Variants in MARCHF3 observed in about 807,000 individuals in gnomAD.
MARCHF3 encodes the protein membrane associated ring-CH-type finger 3.
In MARCHF3, 13 loss-of-function variants were observed where a neutral mutation model predicts 24.2. That is an observed-to-expected ratio of 0.54 (90% confidence interval 0.35 to 0.85). The LOEUF (loss-of-function observed/expected upper bound fraction) is 0.85, where lower values mean the gene tolerates loss of function less well. Ranked by LOEUF, MARCHF3 falls within the 40% of genes least tolerant of loss-of-function variation. The probability of loss-of-function intolerance (pLI) is 0.01; values close to 1 mark genes in which losing one functional copy is unlikely to be tolerated. For synonymous variants in MARCHF3, 144 were observed against 137.3 expected, an observed-to-expected ratio of 1.05 and a Z score of -0.34; for missense variants, 276 against 325.0, an observed-to-expected ratio of 0.85 and a Z score of 1.16.
intron 3 of MARCHF3, among the ~76,000 whole-genome samples, chr5:126,882,750 T>C (rs545907800): frequency 8.5e-5 from 13 of 152,338 alleles, no homozygotes; most frequent in African/African-American, 2.4e-4. Context: ...TGAATGAGAA[T>C]AGCTTATGTC....
At chr5:126,997,114 G>T (rs1408244818) in intron 1 of MARCHF3, among the ~76,000 whole-genome samples, 1 of 152,172 alleles carries the variant, frequency 6.6e-6, no homozygotes, top group Non-Finnish European at 1.5e-5. Flanking sequence ...AATTTAGTAT[G>T]AGGACAAGCA....
intron 1 of MARCHF3, among the ~76,000 whole-genome samples, chr5:126,971,154 A>G (rs1258908643): frequency 1.3e-5 from 2 of 152,140 alleles, no homozygotes; most frequent in African/African-American, 4.8e-5. Flanking sequence ...GCTTGCTTTA[A>G]GAAGAAAAAA....
At chr5:126,962,211 C>A (rs1053361650) in intron 1 of MARCHF3, among the ~76,000 whole-genome samples, 4 of 151,846 alleles carry the variant, frequency 2.6e-5, no homozygotes, top group Admixed American at 6.6e-5. Flanking sequence ...ACACACACAC[C>A]CTATATATCT....
intron 2 of MARCHF3, among the ~76,000 whole-genome samples, chr5:126,915,715 A>C (rs60636815): frequency 6.6e-6 from 1 of 152,172 alleles, no homozygotes; most frequent in Non-Finnish European, 1.5e-5. Flanking sequence ...ATGGGATGCC[A>C]AAGATACCAA....
At chr5:127,003,208 G>A (rs1177110624) in intron 1 of MARCHF3, among the ~76,000 whole-genome samples, 13 of 152,160 alleles carry the variant, frequency 8.5e-5, no homozygotes, top group Non-Finnish European at 1.9e-4. Context: ...GGCCGGGCGC[G>A]GTGGCTCACG....
Position 126,890,377 on chromosome 5 carries a change from A to G in MARCHF3, c.394-11983T>C, listed in dbSNP as rs556088163. On this transcript the variant is annotated intron_variant, in intron 3 of 4. Transcript: ENST00000308660. ...ATGTATACATGTGCCATGCTGGTGC[A>G]CTGCACCCACTAACTCGTCATCTAG... 3.3e-5 allele frequency among the ~76,000 whole-genome samples: 5 copies of G among 149,978 alleles called. No individual in the cohort carries two copies. In the East Asian group the frequency reaches 6.0e-4, roughly 18 times the overall value.
intron 1 of MARCHF3, among the ~76,000 whole-genome samples, chr5:127,011,899 TG>T (rs2126857724): frequency 6.6e-6 from 1 of 152,350 alleles, no homozygotes; most frequent in South Asian, 2.1e-4. Flanking sequence ...TCAATTCTTT[TG>T]CCTAACTGGG....
chr5:126,921,150 A>G (rs1390807074), intron 1 of MARCHF3, among the ~76,000 whole-genome samples: 1 of 152,074 alleles, frequency 6.6e-6, no homozygotes, highest in Non-Finnish European at 1.5e-5. Flanking sequence ...CGTATACCAC[A>G]CATCAGAATA....
At chr5:126,953,198 G>C (rs12658599) in intron 1 of MARCHF3, among the ~76,000 whole-genome samples, 3,100 of 152,184 alleles carry the variant, frequency 0.02, 75 homozygotes, top group South Asian at 0.11. Context: ...GACAAAAACA[G>C]CATATTATTT....
chr5:126,909,527 C>T (rs533871385), intron 3 of MARCHF3, among the ~76,000 whole-genome samples: 4 of 152,250 alleles, frequency 2.6e-5, no homozygotes, highest in Non-Finnish European at 5.9e-5. Context: ...TCCTGGTGCG[C>T]TGTTTTTTAA....
chr5:126,984,423 A>G (rs1751493246), intron 1 of MARCHF3, among the ~76,000 whole-genome samples: 1 of 152,164 alleles, frequency 6.6e-6, no homozygotes, highest in Non-Finnish European at 1.5e-5. Context: ...ATACTGGAGA[A>G]AAAGTACAGG....
chr5:126,935,075 T>C (rs1749599199), intron 1 of MARCHF3, among the ~76,000 whole-genome samples: 1 of 152,164 alleles, frequency 6.6e-6, no homozygotes, highest in African/African-American at 2.4e-5. Context: ...TAGCTGTTGG[T>C]TGGGATAGAT....
At chr5:126,958,993 G>A (rs1008742440) in intron 1 of MARCHF3, among the ~76,000 whole-genome samples, 1 of 152,154 alleles carries the variant, frequency 6.6e-6, no homozygotes, top group Non-Finnish European at 1.5e-5. Flanking sequence ...TAAAGGGGAA[G>A]GGGGAGAAAA....
chr5:126,916,684 G>GACACACACACACACACAC lies in MARCHF3; in HGVS notation c.188+1299_188+1300insGTGTGTGTGTGTGTGTGT, dbSNP rs1409013068. ...AGCAGGTAAAAATACCTGACAGACA[G>GACACACACACACACACAC]ACAGACAGACACACACACACACACA... On this transcript the variant is annotated intron_variant, in intron 2 of 4. Transcript: ENST00000308660. Among the ~76,000 whole-genome samples, 20 of 93,510 alleles carry GACACACACACACACACAC rather than the reference G, an allele frequency of 2.1e-4. 1 individual carries two copies. Among genetic ancestry groups the GACACACACACACACACAC allele is most frequent in the Admixed American group, 7.1e-4 (7 of 9,828 alleles). The allele number at this position is 93,510 out of a possible 152,430, so 61.3% of individuals were successfully genotyped here.
At position 126,966,743 on chromosome 5, in the gene MARCHF3, A is replaced by G. The variant is rs1750823560; in HGVS notation, c.-56-48516T>C. 2.6e-5 allele frequency among the ~76,000 whole-genome samples: 4 copies of G among 151,832 alleles called. No homozygotes were observed. In the South Asian group the frequency reaches 8.3e-4, roughly 32 times the overall value. On this transcript the variant is annotated intron_variant, in intron 1 of 4. Transcript: ENST00000308660. ...TGAATGCCTCCAGGTCATCATTAGG[A>G]ATATCAAAAGTTGTGCTATTCTGTA...
At chr5:126,871,223 G>C (rs1752953270) in intron 4 of MARCHF3, among the ~76,000 whole-genome samples, 1 of 152,114 alleles carries the variant, frequency 6.6e-6, no homozygotes, top group African/African-American at 2.4e-5. Flanking sequence ...GAACCTTCCT[G>C]CAAGTTAGAC....
intron 1 of MARCHF3, among the ~76,000 whole-genome samples, chr5:126,937,552 T>C (rs983856905): frequency 6.6e-6 from 1 of 152,200 alleles, no homozygotes; most frequent in Non-Finnish European, 1.5e-5. Context: ...TTATGAGAAT[T>C]GGTGGGTGTA....
intron 1 of MARCHF3, among the ~76,000 whole-genome samples, chr5:126,970,129 C>T (rs1034085175): frequency 2.0e-4 from 9 of 45,018 alleles, no homozygotes; most frequent in Non-Finnish European, 3.0e-4. Context: ...GCTCTGTCAC[C>T]TAGGCTGGAG....
At chr5:126,880,866 G>T (rs756965107) in intron 3 of MARCHF3, among the ~76,000 whole-genome samples, 1 of 152,124 alleles carries the variant, frequency 6.6e-6, no homozygotes, top group Non-Finnish European at 1.5e-5. Context: ...ATATGCTACC[G>T]ATGTCCACAG....
Sources: allele counts gnomAD v4.1 joint callset (sites outside exome capture counted in the v4.1 genomes callset), GRCh38; gene constraint gnomAD v4.1.1; transcripts MANE v1.5; gene names NCBI Gene and HGNC (gene_info 2026-07-23, HGNC 2026-07-21).